SGCG: variants seen among roughly 807,000 people sequenced by gnomAD.
SGCG encodes the protein gamma-sarcoglycan.
SGCG carries 26 observed loss-of-function variants against 29.3 expected under a neutral mutation model. The ratio of observed to expected loss-of-function variants is 0.89; its 90% confidence interval spans 0.65 to 1.23. The LOEUF (loss-of-function observed/expected upper bound fraction) is 1.23. Among genes scored for constraint, SGCG ranks in the 50% most tolerant of loss-of-function variants. The pLI, the probability that SGCG is intolerant of heterozygous loss-of-function variation, is 0.00. For synonymous variants in SGCG, 145 were observed against 129.7 expected (o/e 1.12, Z -0.80); for missense variants, 353 against 356.0 (o/e 0.99, Z 0.07).
At chr13:23,271,148 G>T (rs1336483276) in intron 4 of SGCG, among the ~76,000 whole-genome samples, 1 of 152,068 alleles carries the variant, frequency 6.6e-6, no homozygotes, top group Non-Finnish European at 1.5e-5. Flanking sequence ...AGAGGCAGAG[G>T]TTGCAGTGAG....
chr13:23,227,858 TA>T (rs1302945773), intron 2 of SGCG, among the ~76,000 whole-genome samples: 1 of 152,172 alleles, frequency 6.6e-6, no homozygotes, highest in Non-Finnish European at 1.5e-5. Context: ...ATGCCAAGGC[TA>T]AAGTACAGTG....
At chr13:23,261,137 G>T (rs1880418874) in intron 4 of SGCG, among the ~76,000 whole-genome samples, 1 of 151,992 alleles carries the variant, frequency 6.6e-6, no homozygotes, top group African/African-American at 2.4e-5. Context: ...AATTTTTCCA[G>T]CATGATTCCA....
intron 2 of SGCG, among the ~76,000 whole-genome samples, chr13:23,230,152 G>T (rs915423047): frequency 6.6e-6 from 1 of 152,102 alleles, no homozygotes; most frequent in South Asian, 2.1e-4. Flanking sequence ...GTCTGTTTTT[G>T]TACCAGTACT....
At chr13:23,274,614 G>C (rs1316344989) in intron 4 of SGCG, among the ~76,000 whole-genome samples, 1 of 151,846 alleles carries the variant, frequency 6.6e-6, no homozygotes, top group Non-Finnish European at 1.5e-5. Context: ...AGTAGAGACG[G>C]GGTTTCACCG....
intron 4 of SGCG, 107 bp downstream of exon 4, chr13:23,250,824 A>C: frequency 1.3e-6 from 1 of 760,214 alleles, no homozygotes; most frequent in Non-Finnish European, 2.4e-6. Context: ...TTATGAACAA[A>C]ATATGAATTT....
Position 23,203,732 on chromosome 13 carries a change from T to A in SGCG, c.38T>A (p.Ile13Asn), listed in dbSNP as rs1877862820. The stretch of plus-strand genomic sequence containing the variant: ...CAGTACACTACAGCCACAGAAGGCA[T>A]CTGCATAGAGAGGCCAGAGAATCAG... ...REQYTTATEGICIERPENQYV... is the reference protein window; with the variant it reads ...REQYTTATEGNCIERPENQYV... Residue 13 changes from isoleucine (I) to asparagine (N), a missense_variant, in exon 2 of 8, where the codon ATC (isoleucine) becomes AAC (asparagine). Coordinates refer to ENST00000218867, the MANE Select transcript of SGCG (RefSeq NM_000231.3). The A allele has an allele frequency of 3.1e-6, 5 of 1,613,922 alleles. No homozygotes were observed. The highest frequency in any genetic ancestry group is 1.3e-5 in the African/African-American group (1 of 74,932).
At chr13:23,317,150 A>G (rs1477727997) in intron 6 of SGCG, among the ~76,000 whole-genome samples, 2 of 151,970 alleles carry the variant, frequency 1.3e-5, no homozygotes, top group African/African-American at 4.8e-5. Context: ...AGCCGAGACC[A>G]CACCACTGCA....
the SGCG span, among the ~76,000 whole-genome samples, chr13:23,175,823 TATTA>T: frequency 2.2e-4 from 34 of 152,118 alleles, 2 homozygotes; most frequent in Admixed American, 2.2e-3. Context: ...TTACAGGGAA[TATTA>T]ATTATATTAG....
chr13:23,319,567 C>A (rs1882958105), intron 6 of SGCG, among the ~76,000 whole-genome samples: 1 of 152,088 alleles, frequency 6.6e-6, no homozygotes, highest in South Asian at 2.1e-4. Context: ...TGTAAAAAGT[C>A]TGTTAAATAA....
At chr13:23,213,118 A>G (rs915958995) in intron 2 of SGCG, among the ~76,000 whole-genome samples, 21 of 152,148 alleles carry the variant, frequency 1.4e-4, no homozygotes, top group Non-Finnish European at 1.9e-4. Flanking sequence ...CAAAGTACCC[A>G]TATCTTTGCA....
At chr13:23,161,884 C>A in the SGCG span, among the ~76,000 whole-genome samples, 1 of 152,226 alleles carries the variant, frequency 6.6e-6, no homozygotes, top group African/African-American at 2.4e-5. Context: ...GTGGATGTTA[C>A]ACGTAAATAA....
At chr13:23,223,947 C>T (rs962847881) in intron 2 of SGCG, among the ~76,000 whole-genome samples, 1 of 150,890 alleles carries the variant, frequency 6.6e-6, no homozygotes, top group Non-Finnish European at 1.5e-5. Flanking sequence ...GCCTGGGCAA[C>T]AAAGCAAGAC....
At chr13:23,247,801 A>G (rs981404158) in intron 3 of SGCG, among the ~76,000 whole-genome samples, 1 of 130,938 alleles carries the variant, frequency 7.6e-6, no homozygotes, top group African/African-American at 2.8e-5. Flanking sequence ...AAAAAAAAAA[A>G]TCAGCTGGGT....
chr13:23,177,781 G>A (rs146214770), upstream of SGCG, among the ~76,000 whole-genome samples: 661 of 151,494 alleles, frequency 4.4e-3, 4 homozygotes, highest in African/African-American at 0.015. Flanking sequence ...GTTTCATCAC[G>A]TTGGCCAGGC....
At chr13:23,253,140 G>A (rs1880042744) in intron 4 of SGCG, among the ~76,000 whole-genome samples, 2 of 152,104 alleles carry the variant, frequency 1.3e-5, no homozygotes, top group African/African-American at 4.8e-5. Context: ...CCAGCACTTT[G>A]GGAGGCTGCA....
intron 4 of SGCG, among the ~76,000 whole-genome samples, chr13:23,275,745 G>C (rs559355626): frequency 6.6e-6 from 1 of 152,270 alleles, no homozygotes; most frequent in East Asian, 1.9e-4. Flanking sequence ...ACAAGATTTT[G>C]CCACAAAAGT....
intron 5 of SGCG, among the ~76,000 whole-genome samples, chr13:23,283,339 T>A (rs963731059): frequency 2.0e-5 from 3 of 152,220 alleles, no homozygotes; most frequent in African/African-American, 7.2e-5. Context: ...AGTTAGCTCT[T>A]CTTGTTGAAT....
intron 3 of SGCG, chr13:23,244,536 C>T (rs1413677529): frequency 6.6e-6 from 1 of 152,172 alleles, no homozygotes; most frequent in African/African-American, 2.4e-5. Context: ...AGCAAAAGCA[C>T]TGGTTAAAAC....
chr13:23,299,452 A>ATT (rs1433429984), intron 6 of SGCG, among the ~76,000 whole-genome samples: 8 of 43,440 alleles, frequency 1.8e-4, no homozygotes, highest in East Asian at 5.0e-4. Context: ...ATATATATAT[A>ATT]TATATTTTTT....
Sources: gnomAD v4.1 joint callset for allele counts (sites outside exome capture counted in the v4.1 genomes callset) on GRCh38, gnomAD v4.1.1 for gene constraint, MANE v1.5 for transcripts, NCBI Gene and HGNC (gene_info 2026-07-23, HGNC 2026-07-21) for gene names.